HPSE2: variants seen among roughly 807,000 people sequenced by gnomAD.
HPSE2 encodes the protein inactive heparanase-2.
In HPSE2, 38 loss-of-function variants were observed where a neutral mutation model predicts 60.5. The observed-to-expected ratio is 0.63, with a 90% confidence interval of 0.48 to 0.82. HPSE2 has a LOEUF of 0.82. Among genes scored for constraint, HPSE2 ranks in the 40% least tolerant of loss-of-function variants. The probability of loss-of-function intolerance (pLI) is 0.00; values close to 1 mark genes in which losing one functional copy is unlikely to be tolerated. For missense variants in HPSE2, 713 were observed against 740.4 expected (o/e 0.96, Z 0.43); for synonymous variants, 295 against 293.2 (o/e 1.01, Z -0.06).
chr10:98,827,923 T>C (rs1428153677), intron 3 of HPSE2, among the ~76,000 whole-genome samples: 1 of 152,210 alleles, frequency 6.6e-6, no homozygotes, highest in Admixed American at 6.5e-5. Context: ...CAGTAGACCT[T>C]GAGTAAAGCA....
chr10:98,677,374 T>C (rs1481425993), intron 6 of HPSE2, among the ~76,000 whole-genome samples: 1 of 152,178 alleles, frequency 6.6e-6, no homozygotes, highest in Non-Finnish European at 1.5e-5. Context: ...ATCTGTAGAA[T>C]GTATAAAAAT....
intron 10 of HPSE2, among the ~76,000 whole-genome samples, chr10:98,485,771 A>G (rs575910245): frequency 6.6e-6 from 1 of 152,344 alleles, no homozygotes; most frequent in South Asian, 2.1e-4. Context: ...TTCTTTTGCT[A>G]GCTACCATCA....
At chr10:98,989,655 A>G (rs1589475404) in intron 3 of HPSE2, among the ~76,000 whole-genome samples, 1 of 147,222 alleles carries the variant, frequency 6.8e-6, no homozygotes, top group Admixed American at 7.1e-5. Context: ...ATAAAAAAAA[A>G]AAAGAAAAAA....
At chr10:98,960,746 T>A (rs112371408) in intron 3 of HPSE2, among the ~76,000 whole-genome samples, 64 of 129,882 alleles carry the variant, frequency 4.9e-4, no homozygotes, top group East Asian at 1.3e-3. Context: ...TTTTATTTTT[T>A]TTTTTATTAT....
chr10:99,140,533 T>C (rs1417457741), intron 3 of HPSE2, among the ~76,000 whole-genome samples: 1 of 152,210 alleles, frequency 6.6e-6, no homozygotes, highest in African/African-American at 2.4e-5. Flanking sequence ...ATGATATTCC[T>C]TGCCTTCTAG....
At chr10:99,155,615 G>T (rs1425499140) in intron 2 of HPSE2, among the ~76,000 whole-genome samples, 3 of 141,356 alleles carry the variant, frequency 2.1e-5, no homozygotes, top group African/African-American at 7.9e-5. Flanking sequence ...TGTGTAGAGG[G>T]AAATTTATAG....
At position 98,699,340 on chromosome 10, in the gene HPSE2, C is replaced by T. The variant is rs1422450657; in HGVS notation, c.957-5393G>A. 2.2e-3 allele frequency among the ~76,000 whole-genome samples: 331 copies of T among 148,694 alleles called. 1 individual carries two copies. The highest frequency in any genetic ancestry group is 3.3e-3 in the Non-Finnish European group (219 of 66,710). ...TGGGATGCAAGGCTGGTTCAATATACGCAAATCAATAAATGTAATCCAGCA... is the reference window on the plus strand; with the variant it reads ...TGGGATGCAAGGCTGGTTCAATATATGCAAATCAATAAATGTAATCCAGCA... On this transcript the variant is annotated intron_variant, in intron 5 of 11. Coordinates refer to ENST00000370552, the MANE Select transcript of HPSE2 (RefSeq NM_021828.5).
intron 3 of HPSE2, among the ~76,000 whole-genome samples, chr10:99,097,071 C>T (rs1346842171): frequency 1.3e-5 from 2 of 152,162 alleles, no homozygotes; most frequent in African/African-American, 2.4e-5. Flanking sequence ...ATGAAGTCCA[C>T]TAAATCCGGC....
At chr10:99,186,085 C>T (rs1847997942) in intron 2 of HPSE2, among the ~76,000 whole-genome samples, 1 of 127,440 alleles carries the variant, frequency 7.8e-6, no homozygotes, top group Admixed American at 8.6e-5. Flanking sequence ...ACACTGATAA[C>T]ACTAAGCAGG....
chr10:98,517,833 T>C (rs990872202), intron 9 of HPSE2, among the ~76,000 whole-genome samples: 3 of 152,220 alleles, frequency 2.0e-5, no homozygotes, highest in Non-Finnish European at 2.9e-5. Flanking sequence ...TCCAAGTTCC[T>C]CAACCATAAA....
intron 9 of HPSE2, among the ~76,000 whole-genome samples, chr10:98,516,953 TCTC>T (rs1358111825): frequency 4.6e-5 from 7 of 152,116 alleles, no homozygotes; most frequent in African/African-American, 1.4e-4. Flanking sequence ...TGATAAGAAA[TCTC>T]CTGCTTTTCA....
intron 2 of HPSE2, among the ~76,000 whole-genome samples, chr10:99,211,519 T>C (rs111856658): frequency 6.6e-6 from 1 of 152,012 alleles, no homozygotes; most frequent in Non-Finnish European, 1.5e-5. Flanking sequence ...ATGGCACATA[T>C]ACCAATGGAA....
intron 2 of HPSE2, among the ~76,000 whole-genome samples, chr10:99,223,245 T>G (rs1373182462): frequency 6.6e-6 from 1 of 152,116 alleles, no homozygotes; most frequent in Non-Finnish European, 1.5e-5. Flanking sequence ...CCTCATAGGG[T>G]TGATGGAAGG....
chr10:99,123,124 G>C (rs924850346), intron 3 of HPSE2, among the ~76,000 whole-genome samples: 1 of 152,054 alleles, frequency 6.6e-6, no homozygotes, highest in African/African-American at 2.4e-5. Flanking sequence ...ATAAATTCCA[G>C]TCACAGTAAA....
intron 6 of HPSE2, among the ~76,000 whole-genome samples, chr10:98,668,279 G>A (rs943126460): frequency 2.0e-5 from 3 of 151,994 alleles, no homozygotes; most frequent in African/African-American, 7.2e-5. Context: ...CAAATAAATA[G>A]AAAAATATTC....
intron 10 of HPSE2, among the ~76,000 whole-genome samples, chr10:98,485,041 T>C (rs1941389809): frequency 6.6e-6 from 1 of 152,174 alleles, no homozygotes; most frequent in Admixed American, 6.5e-5. Context: ...CACCCCTCCA[T>C]CCTGGGTCAC....
chr10:98,636,536 A>C (rs1054669814), intron 7 of HPSE2, among the ~76,000 whole-genome samples: 1 of 152,156 alleles, frequency 6.6e-6, no homozygotes, highest in African/African-American at 2.4e-5. Context: ...CACTGTGCCC[A>C]GCCAAGTTAT....
intron 9 of HPSE2, among the ~76,000 whole-genome samples, chr10:98,575,575 A>C (rs1047306255): frequency 2.6e-5 from 4 of 152,234 alleles, no homozygotes; most frequent in African/African-American, 4.8e-5. Context: ...TTATTATTTC[A>C]ATTAATCCTC....
chr10:98,892,884 G>A (rs1953376448), intron 3 of HPSE2, among the ~76,000 whole-genome samples: 1 of 151,964 alleles, frequency 6.6e-6, no homozygotes, highest in Non-Finnish European at 1.5e-5. Context: ...TTAAACCTTT[G>A]TAGAGCTGTC....
Sources: allele counts gnomAD v4.1 joint callset (sites outside exome capture counted in the v4.1 genomes callset), GRCh38; gene constraint gnomAD v4.1.1; transcripts MANE v1.5; gene names NCBI Gene and HGNC (gene_info 2026-07-23, HGNC 2026-07-21).